The following MTHFD2L variants were observed in gnomAD, a reference collection of about 807,000 sequenced individuals.
MTHFD2L encodes methylenetetrahydrofolate dehydrogenase (NADP+ dependent) 2 like.
A neutral mutation model predicts 34.9 loss-of-function variants in MTHFD2L; 29 were observed. The ratio of observed to expected loss-of-function variants is 0.83; its 90% CI spans 0.62 to 1.13. The LOEUF is 1.13. MTHFD2L is among the 50% of genes most tolerant of loss of function. The pLI, the probability that MTHFD2L is intolerant of heterozygous loss-of-function variation, is 0.00. For synonymous variants in MTHFD2L, 167 were observed against 155.7 expected (o/e 1.07, Z -0.54); for missense variants, 481 against 446.5 (o/e 1.08, Z -0.70).
At chr4:74,208,313 T>TTCTAAATTTCAGTGTCC (rs1380120733) in intron 5 of MTHFD2L, among the ~76,000 whole-genome samples, 2 of 152,158 alleles carry the variant, frequency 1.3e-5, no homozygotes, top group Non-Finnish European at 2.9e-5. Flanking sequence ...ATTCAGTGTC[T>TTCTAAATTTCAGTGTCC]TCTAAATTCT....
Position 74,143,157 on chromosome 4 carries a change from A to G in MTHFD2L, c.-296-16898A>G, listed in dbSNP as rs143787276. On this transcript the variant is annotated intron_variant, in intron 1 of 7. Transcript: ENST00000433372. The stretch of plus-strand genomic sequence containing the variant: ...AAACAAAAACAAACAAACAAAAAAA[A>G]CAAGCATCAACAGGGGGTATCACAG... 3.6e-4 allele frequency among the ~76,000 whole-genome samples: 55 copies of G among 152,266 alleles called. No homozygotes were observed. In the East Asian group the frequency reaches 0.01, roughly 28 times the overall value.
At chr4:74,118,962 G>T (rs1393889130), upstream of MTHFD2L, among the ~76,000 whole-genome samples, 2 of 152,166 alleles carry the variant, frequency 1.3e-5, no homozygotes, top group Non-Finnish European at 2.9e-5. Context: ...AGGTGGAGCT[G>T]AGGTGGTGAT....
intron 1 of MTHFD2L, 93 bp downstream of exon 1, chr4:74,158,374 C>G (rs918966784): frequency 2.1e-6 from 2 of 946,668 alleles, no homozygotes; most frequent in Non-Finnish European, 2.6e-6. Context: ...GCCCAAGGCT[C>G]GTGGGCGGCC....
chr4:74,123,924 A>T (rs761997220), upstream of MTHFD2L, among the ~76,000 whole-genome samples: 1 of 152,176 alleles, frequency 6.6e-6, no homozygotes, highest in Non-Finnish European at 1.5e-5. Context: ...TTCTATCTCT[A>T]TACCTCTCAG....
At chr4:74,193,453 A>T (rs557151085) in intron 3 of MTHFD2L, among the ~76,000 whole-genome samples, 1 of 152,190 alleles carries the variant, frequency 6.6e-6, no homozygotes, top group Non-Finnish European at 1.5e-5. Context: ...CTTCATATAC[A>T]TTTAAGAATC....
intron 6 of MTHFD2L, among the ~76,000 whole-genome samples, chr4:74,272,055 G>A (rs573488401): frequency 3.3e-5 from 5 of 152,288 alleles, no homozygotes; most frequent in African/African-American, 7.2e-5. Context: ...TTCTGGCATC[G>A]CTTTGATATC....
At chr4:74,246,959 C>G (rs149836210) in intron 6 of MTHFD2L, among the ~76,000 whole-genome samples, 4 of 151,920 alleles carry the variant, frequency 2.6e-5, no homozygotes, top group African/African-American at 9.7e-5. Flanking sequence ...CTTGGCGATG[C>G]GGCCTCTTTT....
chr4:74,125,612 C>T (rs1489241542), intron 1 of MTHFD2L: 1 of 151,924 alleles, frequency 6.6e-6, no homozygotes, highest in African/African-American at 2.4e-5. Flanking sequence ...AAGAGTTTTA[C>T]CTAATGGAAT....
At chr4:74,228,256 G>T (rs1042171383) in intron 6 of MTHFD2L, among the ~76,000 whole-genome samples, 2 of 152,156 alleles carry the variant, frequency 1.3e-5, no homozygotes, top group African/African-American at 4.8e-5. Flanking sequence ...TACCTTCATG[G>T]CAGATAAGTA....
At chr4:74,231,220 A>G (rs1740000367) in intron 6 of MTHFD2L, among the ~76,000 whole-genome samples, 1 of 152,062 alleles carries the variant, frequency 6.6e-6, no homozygotes, top group African/African-American at 2.4e-5. Context: ...TCCTTTCACC[A>G]CTTCTCCAAT....
intron 6 of MTHFD2L, chr4:74,266,819 G>C: frequency 4.1e-6 from 4 of 983,728 alleles, no homozygotes; most frequent in Non-Finnish European, 4.8e-6. Flanking sequence ...AAAGGTTGTA[G>C]GAGAAGGGAA....
At chr4:74,200,759 A>G (rs560709748) in intron 4 of MTHFD2L, among the ~76,000 whole-genome samples, 1 of 152,330 alleles carries the variant, frequency 6.6e-6, no homozygotes, top group South Asian at 2.1e-4. Flanking sequence ...AACTGAGTCC[A>G]AAAGAAGTAG....
At chr4:74,279,765 A>G (rs545437323) in intron 6 of MTHFD2L, among the ~76,000 whole-genome samples, 3 of 152,242 alleles carry the variant, frequency 2.0e-5, no homozygotes, top group Non-Finnish European at 4.4e-5. Flanking sequence ...ATCTGGAGCA[A>G]TGCATAGTAC....
In MTHFD2L at chr4:74,225,362, C is replaced by T. The variant is rs749157503; in HGVS notation, c.773C>T (p.Thr258Met). 46 of 1,613,070 alleles carry T rather than the reference C, an allele frequency of 2.9e-5. No homozygotes were observed. Among genetic ancestry groups the T allele is most frequent in the East Asian group, 6.7e-5 (3 of 44,840 alleles). The change falls in exon 6 of 8, where the codon ACG (threonine) becomes ATG (methionine). Residue 258 changes from threonine to methionine, a missense_variant. Physicochemically the swap from Thr to Met is moderately conservative, Grantham distance 81. Coordinates refer to ENST00000325278, the MANE Select transcript of MTHFD2L (RefSeq NM_001144978.3). ...CCCAAAGAGCAACTGAAGATTCATA[C>T]GCAGCTGGCAGATATTATCATAGTT... Reference protein sequence around the residue: ...YTPKEQLKIHTQLADIIIVAA... With the variant: ...YTPKEQLKIHMQLADIIIVAA...
intron 6 of MTHFD2L, 101 bp from the exon 7 acceptor site, chr4:74,281,324 C>CGTGTGTGTGTGT (rs3832298): frequency 0.037 from 31,518 of 861,484 alleles, 791 homozygotes; most frequent in African/African-American, 0.17. Context: ...ATTACACATA[C>CGTGTGTGTGTGT]GTGTGTGTGT....
At chr4:74,131,939 A>T (rs1410308534) in intron 1 of MTHFD2L, among the ~76,000 whole-genome samples, 1 of 152,230 alleles carries the variant, frequency 6.6e-6, no homozygotes, top group Non-Finnish European at 1.5e-5. Context: ...GTGAACAGAC[A>T]CTTCTTAAAA....
intron 7 of MTHFD2L, among the ~76,000 whole-genome samples, chr4:74,290,144 A>G (rs949315211): frequency 1.3e-5 from 2 of 152,210 alleles, no homozygotes; most frequent in Non-Finnish European, 2.9e-5. Flanking sequence ...TCTCCCCTAT[A>G]AAGGGACCTT....
intron 6 of MTHFD2L, among the ~76,000 whole-genome samples, chr4:74,251,572 A>G (rs1467808652): frequency 2.6e-5 from 4 of 152,082 alleles, no homozygotes; most frequent in Non-Finnish European, 5.9e-5. Context: ...TCACTCATTC[A>G]CCTGATGTAC....
chr4:74,116,959 C>T (rs562313021), intron 2 of MTHFD2L, among the ~76,000 whole-genome samples: 3 of 152,226 alleles, frequency 2.0e-5, no homozygotes, highest in Non-Finnish European at 2.9e-5. Flanking sequence ...AAGTAAACCA[C>T]ATATCGTTTT....
Sources: gnomAD v4.1 joint callset for allele counts (sites outside exome capture counted in the v4.1 genomes callset) on GRCh38, gnomAD v4.1.1 for gene constraint, MANE v1.5 for transcripts, NCBI Gene and HGNC (gene_info 2026-07-23, HGNC 2026-07-21) for gene names.